DPYS: variants seen among roughly 807,000 people sequenced by gnomAD.
DPYS encodes the protein dihydropyrimidinase.
In DPYS, 39 loss-of-function variants were observed where a neutral mutation model predicts 50.3. The ratio of observed to expected loss-of-function variants is 0.78; its 90% confidence interval spans 0.60 to 1.01. The LOEUF is 1.01. DPYS is among the 50% of genes least tolerant of loss of function. DPYS has a pLI of 0.00. For synonymous variants in DPYS, 245 were observed against 250.7 expected, an observed-to-expected ratio of 0.98 and a Z score of 0.22; for missense variants, 659 against 680.9, an observed-to-expected ratio of 0.97 and a Z score of 0.36.
At chr8:104,399,378 G>T (rs1372509965) in intron 7 of DPYS, among the ~76,000 whole-genome samples, 1 of 149,696 alleles carries the variant, frequency 6.7e-6, no homozygotes, top group Non-Finnish European at 1.5e-5. Context: ...GGACTAATAC[G>T]CTATTGTCAT....
intron 4 of DPYS, among the ~76,000 whole-genome samples, chr8:104,432,549 A>T (rs572653713): frequency 6.6e-6 from 1 of 152,334 alleles, no homozygotes; most frequent in South Asian, 2.1e-4. Context: ...CCTAGCCAAA[A>T]GGATACAGCC....
intron 1 of DPYS, among the ~76,000 whole-genome samples, chr8:104,458,513 C>T (rs1814008346): frequency 6.6e-6 from 1 of 152,308 alleles, no homozygotes; most frequent in African/African-American, 2.4e-5. Context: ...GCGTTTACCC[C>T]ATTCCCCAGA....
At chr8:104,463,660 C>T (rs1366879870) in intron 1 of DPYS, among the ~76,000 whole-genome samples, 2 of 152,002 alleles carry the variant, frequency 1.3e-5, no homozygotes, top group African/African-American at 4.8e-5. Flanking sequence ...TAATGCACAA[C>T]TTAGGGCATT....
intron 7 of DPYS, among the ~76,000 whole-genome samples, chr8:104,414,843 T>G (rs1252377020): frequency 6.6e-6 from 1 of 152,218 alleles, no homozygotes. Context: ...CAAAAAACAG[T>G]GTTGTTTGAC....
chr8:104,424,589 A>G (rs895114380), intron 6 of DPYS, among the ~76,000 whole-genome samples, 200 bp from the exon 7 acceptor site: 1 of 152,206 alleles, frequency 6.6e-6, no homozygotes, highest in African/African-American at 2.4e-5. Flanking sequence ...GGAAGCCTGA[A>G]GATGACTTTT....
chr8:104,407,071 T>C (rs1812020180), intron 7 of DPYS, among the ~76,000 whole-genome samples: 1 of 152,246 alleles, frequency 6.6e-6, no homozygotes, highest in South Asian at 2.1e-4. Context: ...AGTATTCCAT[T>C]GGAGCTTCCA....
At position 104,405,075 on chromosome 8, in the gene DPYS, A is replaced by G. The variant is rs142360106; in HGVS notation, c.1236-12084T>C. ...AGGACCTAAAAGGAGCGAGAACAAA[A>G]GGGATGGGGAAAAAAAAGTGACCAC... On this transcript the variant is annotated intron_variant, in intron 7 of 9. Coordinates refer to ENST00000351513, the MANE Select transcript of DPYS (RefSeq NM_001385.3). 1.9e-3 allele frequency among the ~76,000 whole-genome samples: 297 copies of G among 152,362 alleles called. 1 individual carries two copies. The highest frequency in any genetic ancestry group is 5.2e-3 in the African/African-American group (218 of 41,588).
At chr8:104,424,723 A>T (rs527969852) in intron 6 of DPYS, among the ~76,000 whole-genome samples, 3 of 152,310 alleles carry the variant, frequency 2.0e-5, no homozygotes, top group Admixed American at 6.5e-5. Context: ...AAGTTTGACA[A>T]TACCACATTT....
rs569366171 is a variant in DPYS at position 104,465,571 on chromosome 8, T to C, written c.264+1086A>G. 2.0e-5 allele frequency among the ~76,000 whole-genome samples: 3 copies of C among 152,318 alleles called. No individual in the cohort carries two copies. The South Asian group carries it at 6.2e-4, about 32-fold the overall frequency. On this transcript the variant is annotated intron_variant, in intron 1 of 9. Coordinates refer to ENST00000351513, the MANE Select transcript of DPYS (RefSeq NM_001385.3). ...CTGTAAAGCTGCTCTGTTAGTCTCT[T>C]GATCTTGTGTTGAGGAGCTTTGGGG...
intron 8 of DPYS, among the ~76,000 whole-genome samples, chr8:104,384,338 C>T (rs1382846643): frequency 6.6e-6 from 1 of 152,216 alleles, no homozygotes; most frequent in Non-Finnish European, 1.5e-5. Context: ...TAGACTCATG[C>T]CTTCTTCATC....
intron 8 of DPYS, among the ~76,000 whole-genome samples, chr8:104,381,869 CACACACACACACACAT>C (rs1233513850): frequency 9.1e-4 from 107 of 117,618 alleles, no homozygotes; most frequent in Non-Finnish European, 2.9e-4. Flanking sequence ...CACACACACA[CACACACACACACACAT>C]ACACACAGAC....
At chr8:104,394,944 A>G (rs1253476173) in intron 7 of DPYS, among the ~76,000 whole-genome samples, 2 of 151,562 alleles carry the variant, frequency 1.3e-5, no homozygotes, top group East Asian at 3.9e-4. Flanking sequence ...AGGTTATATC[A>G]CTTGCCAAAG....
chr8:104,388,544 A>G (rs982370625), intron 8 of DPYS, among the ~76,000 whole-genome samples: 1 of 152,174 alleles, frequency 6.6e-6, no homozygotes, highest in Non-Finnish European at 1.5e-5. Flanking sequence ...CTCAGTCAGG[A>G]TTCTCTTGAA....
At chr8:104,414,782 G>T (rs748959677) in intron 7 of DPYS, among the ~76,000 whole-genome samples, 1 of 152,044 alleles carries the variant, frequency 6.6e-6, no homozygotes, top group East Asian at 1.9e-4. Flanking sequence ...CTCCATAACC[G>T]ATGGCCATAA....
At chr8:104,392,571 C>G (rs1300279799) in intron 8 of DPYS, among the ~76,000 whole-genome samples, 1 of 152,156 alleles carries the variant, frequency 6.6e-6, no homozygotes, top group African/African-American at 2.4e-5. Context: ...CCCGAACTGA[C>G]CTATCAGTCT....
At chr8:104,451,083 G>T (rs892335081) in intron 2 of DPYS, among the ~76,000 whole-genome samples, 163 bp downstream of exon 2, 2 of 152,020 alleles carry the variant, frequency 1.3e-5, no homozygotes, top group Admixed American at 1.3e-4. Flanking sequence ...ATACTTCACA[G>T]AATTAAAAAT....
At chr8:104,384,405 A>G (rs1457672709) in intron 8 of DPYS, among the ~76,000 whole-genome samples, 1 of 152,204 alleles carries the variant, frequency 6.6e-6, no homozygotes, top group East Asian at 1.9e-4. Context: ...GGACATCACT[A>G]GATGTTCACT....
At chr8:104,444,182 C>T in intron 4 of DPYS, 66 bp downstream of exon 4, 1 of 1,570,806 alleles carries the variant, frequency 6.4e-7, no homozygotes, top group Non-Finnish European at 8.7e-7. Flanking sequence ...GAAGCAGAGG[C>T]TACAGACGTG....
intron 3 of DPYS, among the ~76,000 whole-genome samples, chr8:104,445,968 C>A (rs959402200): frequency 6.6e-6 from 1 of 152,226 alleles, no homozygotes; most frequent in Middle Eastern, 3.4e-3. Context: ...TGGTGTGAAC[C>A]CGGGAGGTGG....
Sources: gnomAD v4.1 joint callset for allele counts (sites outside exome capture counted in the v4.1 genomes callset) on GRCh38, gnomAD v4.1.1 for gene constraint, MANE v1.5 for transcripts, NCBI Gene and HGNC (gene_info 2026-07-23, HGNC 2026-07-21) for gene names.